FSIP1: variants seen among roughly 807,000 people sequenced by gnomAD.
FSIP1 encodes fibrous sheath-interacting protein 1.
Under a neutral mutation model 60.9 loss-of-function variants are expected in FSIP1, and 65 were observed. That is an observed-to-expected ratio of 1.07 (90% CI 0.87 to 1.31). The LOEUF is 1.31. Ranked by LOEUF, FSIP1 falls within the 40% of genes most tolerant of loss-of-function variation. FSIP1 has a pLI of 0.00. For synonymous variants in FSIP1, 209 were observed against 221.2 expected (o/e 0.94, Z 0.49); for missense variants, 675 against 665.5 (o/e 1.01, Z -0.16).
chr15:39,780,982 T>C (rs531102018), intron 1 of FSIP1, among the ~76,000 whole-genome samples: 1 of 152,308 alleles, frequency 6.6e-6, no homozygotes, highest in African/African-American at 2.4e-5. Context: ...AAAGAAAATA[T>C]GGATAAATTG....
intron 11 of FSIP1, among the ~76,000 whole-genome samples, chr15:39,617,520 T>C (rs1197976527): frequency 6.6e-6 from 1 of 152,232 alleles, no homozygotes; most frequent in African/African-American, 2.4e-5. Context: ...ACACAATTAA[T>C]TACCATCAAG....
intron 10 of FSIP1, among the ~76,000 whole-genome samples, chr15:39,649,894 G>A (rs1212728128): frequency 6.6e-6 from 1 of 152,122 alleles, no homozygotes; most frequent in African/African-American, 2.4e-5. Flanking sequence ...TACCTACTCA[G>A]TAAACACTTA....
At chr15:39,725,109 T>C (rs1896137310) in intron 9 of FSIP1, among the ~76,000 whole-genome samples, 1 of 152,148 alleles carries the variant, frequency 6.6e-6, no homozygotes, top group African/African-American at 2.4e-5. Flanking sequence ...CACATGCCTA[T>C]AGTCCCAGCT....
At chr15:39,622,819 A>G (rs942484715) in intron 10 of FSIP1, among the ~76,000 whole-genome samples, 7 of 152,100 alleles carry the variant, frequency 4.6e-5, no homozygotes, top group African/African-American at 1.7e-4. Flanking sequence ...TTCTCCCTCT[A>G]CCACCCTCCA....
At chr15:39,703,906 C>T (rs887687931) in intron 10 of FSIP1, among the ~76,000 whole-genome samples, 1 of 152,084 alleles carries the variant, frequency 6.6e-6, no homozygotes, top group Non-Finnish European at 1.5e-5. Context: ...TGATCATCAG[C>T]GAAATACCTA....
At chr15:39,696,851 G>A (rs1318953270) in intron 10 of FSIP1, among the ~76,000 whole-genome samples, 1 of 150,224 alleles carries the variant, frequency 6.7e-6, no homozygotes, top group Admixed American at 6.7e-5. Context: ...GAGAGGAAAG[G>A]AGGAGGGGGA....
intron 9 of FSIP1, among the ~76,000 whole-genome samples, chr15:39,724,694 T>G (rs889038798): frequency 6.6e-6 from 1 of 152,194 alleles, no homozygotes; most frequent in African/African-American, 2.4e-5. Context: ...TGGATGGCTA[T>G]ATCAGTGCCT....
At chr15:39,726,488 A>G in intron 9 of FSIP1, 101 bp downstream of exon 9, 1 of 1,163,422 alleles carries the variant, frequency 8.6e-7, no homozygotes, top group South Asian at 1.3e-5. Flanking sequence ...TTATGAAACT[A>G]TGATCACTGG....
At chr15:39,670,540 G>T (rs147031894) in intron 10 of FSIP1, among the ~76,000 whole-genome samples, 2 of 152,202 alleles carry the variant, frequency 1.3e-5, no homozygotes, top group East Asian at 3.9e-4. Context: ...GGAGTGCAGT[G>T]GTGCGATCAT....
chr15:39,661,367 T>A (rs1038250247), intron 10 of FSIP1, among the ~76,000 whole-genome samples: 1 of 152,238 alleles, frequency 6.6e-6, no homozygotes, highest in East Asian at 1.9e-4. Flanking sequence ...CTGCTACAAA[T>A]TTTGACTCAT....
At chr15:39,620,633 G>A (rs1054404165) in intron 10 of FSIP1, among the ~76,000 whole-genome samples, 7 of 150,586 alleles carry the variant, frequency 4.6e-5, no homozygotes, top group Middle Eastern at 3.5e-3. Flanking sequence ...GCTCTGTCGC[G>A]CAGGCTGGAG....
In FSIP1 at chr15:39,770,551, T is replaced by C. The variant is rs199847967; in HGVS notation, c.186A>G (p.Thr62=). 2 of 1,606,578 alleles carry C rather than the reference T, an allele frequency of 1.2e-6. No homozygotes were observed. Among genetic ancestry groups the C allele is most frequent in the Non-Finnish European group, 1.7e-6 (2 of 1,178,092 alleles). ...CATCATTACTAGTTCTTCTGTTCTCTGTATTACTGCTTTCGGAGTGGTCCT... is the reference window on the plus strand; with the variant it reads ...CATCATTACTAGTTCTTCTGTTCTCCGTATTACTGCTTTCGGAGTGGTCCT... The part of the protein sequence containing the change: ...GKEDHSESSN[T]ENRRTSNDDK... Residue 62 remains threonine (T), a synonymous_variant, in exon 3 of 12, where the codon ACA becomes ACG. Coordinates refer to ENST00000350221, the MANE Select transcript of FSIP1 (RefSeq NM_152597.5).
chr15:39,749,494 G>A (rs947675275), intron 5 of FSIP1, among the ~76,000 whole-genome samples: 1 of 151,952 alleles, frequency 6.6e-6, no homozygotes, highest in East Asian at 1.9e-4. Context: ...ATCCCTGGCA[G>A]GTAAGGGTGG....
At chr15:39,761,364 T>C (rs1429991965) in intron 5 of FSIP1, among the ~76,000 whole-genome samples, 5 of 152,202 alleles carry the variant, frequency 3.3e-5, no homozygotes, top group South Asian at 2.1e-4. Flanking sequence ...ATGTGTTGTA[T>C]AGACACCATG....
Position 39,649,435 on chromosome 15 carries a change from C to T in FSIP1, c.1189-31190G>A, listed in dbSNP as rs578061927. 6.6e-5 allele frequency among the ~76,000 whole-genome samples: 10 copies of T among 152,292 alleles called. No individual in the cohort carries two copies. In the East Asian group the frequency reaches 1.9e-3, roughly 29 times the overall value. ...ATTTGTCCCACCTATTCTGATAATA[C>T]TTTACTATCCCTTTGTTTTTCAAGA... On this transcript the variant is annotated intron_variant, in intron 10 of 11. Coordinates refer to ENST00000350221, the MANE Select transcript of FSIP1 (RefSeq NM_152597.5).
chr15:39,662,484 T>C (rs1389895429), intron 10 of FSIP1, among the ~76,000 whole-genome samples: 1 of 152,182 alleles, frequency 6.6e-6, no homozygotes, highest in Non-Finnish European at 1.5e-5. Flanking sequence ...ACAGATGTTC[T>C]GGAAATTAAG....
At chr15:39,747,714 G>A in intron 5 of FSIP1, among the ~76,000 whole-genome samples, 1 of 152,058 alleles carries the variant, frequency 6.6e-6, no homozygotes, top group Non-Finnish European at 1.5e-5. Flanking sequence ...ATTTTTATAG[G>A]TAAAATAAGA....
chr15:39,677,279 C>A (rs1344659963), intron 10 of FSIP1, among the ~76,000 whole-genome samples: 1 of 152,096 alleles, frequency 6.6e-6, no homozygotes, highest in East Asian at 1.9e-4. Context: ...CATACACATT[C>A]CAAAACCACT....
At chr15:39,682,357 A>G (rs1894199940) in intron 10 of FSIP1, among the ~76,000 whole-genome samples, 4 of 149,510 alleles carry the variant, frequency 2.7e-5, no homozygotes, top group South Asian at 2.2e-4. Context: ...TTTACTTTGG[A>G]AAAAAAAAAG....
Sources: allele counts gnomAD v4.1 joint callset (sites outside exome capture counted in the v4.1 genomes callset), GRCh38; gene constraint gnomAD v4.1.1; transcripts MANE v1.5; gene names NCBI Gene and HGNC (gene_info 2026-07-23, HGNC 2026-07-21).